The following BFSP1 variants were observed in gnomAD, a reference collection of about 807,000 sequenced individuals.
BFSP1 encodes beaded filament structural protein 1.
Under a neutral mutation model 43.9 loss-of-function variants are expected in BFSP1, and 38 were observed. The ratio of observed to expected loss-of-function variants is 0.87; its 90% CI spans 0.67 to 1.14. The LOEUF is 1.14. Ranked by LOEUF, BFSP1 falls within the 50% of genes most tolerant of loss-of-function variation. The pLI, the probability that BFSP1 is intolerant of heterozygous loss-of-function variation, is 0.00. For synonymous variants in BFSP1, 352 were observed against 354.8 expected, an observed-to-expected ratio of 0.99 and a Z score of 0.09; for missense variants, 850 against 875.1, an observed-to-expected ratio of 0.97 and a Z score of 0.36.
chr20:17,498,824 T>A lies in BFSP1; in HGVS notation c.952A>T (p.Asn318Tyr). Residue 318 changes from asparagine (N) to tyrosine (Y), a missense_variant, in exon 6 of 8, where the codon AAC becomes TAC. Coordinates refer to ENST00000377873, the MANE Select transcript of BFSP1 (RefSeq NM_001195.5). Reference sequence around the variant, plus strand: ...ATGGGGAGGGCACACGCTCACCTGTTGCCTTCAATCTCGATGATACGATGA... The same window carrying A: ...ATGGGGAGGGCACACGCTCACCTGTAGCCTTCAATCTCGATGATACGATGA... ...RYHRIIEIEG[N>Y]RLTSAFIETP... The A allele has an allele frequency of 6.2e-7, 1 of 1,612,482 alleles. No homozygotes were observed. The highest frequency in any genetic ancestry group is 8.5e-7 in the Non-Finnish European group (1 of 1,179,936).
intron 1 of BFSP1, among the ~76,000 whole-genome samples, chr20:17,541,700 C>T (rs1600675218): frequency 6.6e-6 from 1 of 152,318 alleles, no homozygotes; most frequent in East Asian, 1.9e-4. Flanking sequence ...ATGGCTGTGG[C>T]TTTTCAGATG....
Position 17,498,889 on chromosome 20 carries a change from G to A in BFSP1, c.887C>T (p.Ala296Val), listed in dbSNP as rs142996076. The change falls in exon 6 of 8, where the codon GCG becomes GTG. Residue 296 changes from alanine (A) to valine (V), a missense_variant. Physicochemically the swap from Ala to Val is moderately conservative, Grantham distance 64. Coordinates refer to ENST00000377873, the MANE Select transcript of BFSP1 (RefSeq NM_001195.5). Reference protein sequence around the residue: ...EKSSYDCRQLAVAQQTLKNEL... With the variant: ...EKSSYDCRQLVVAQQTLKNEL... Reference sequence around the variant, plus strand: ...ATTCTTCAGGGTTTGCTGGGCGACCGCCAGCTGCCGGCAGTCGTAAGAAGA... The same window carrying A: ...ATTCTTCAGGGTTTGCTGGGCGACCACCAGCTGCCGGCAGTCGTAAGAAGA... 3.1e-3 allele frequency: 4,960 copies of A among 1,614,064 alleles called. 5 individuals carry two copies. The highest frequency in any genetic ancestry group is 3.6e-3 in the Non-Finnish European group (4,294 of 1,180,026).
At position 17,524,850 on chromosome 20, in the gene BFSP1, T is replaced by A. The variant is rs1260066106; in HGVS notation, c.436A>T (p.Lys146Ter). 6.2e-7 allele frequency: 1 copy of A among 1,613,894 alleles called. No homozygotes were observed. The highest frequency in any genetic ancestry group is 8.5e-7 in the Non-Finnish European group (1 of 1,179,872). The stretch of plus-strand genomic sequence containing the variant: ...ACCCAAGGATGTGTTCCGCTCACCT[T>A]GTTAAGCCGTTCAAGCATTTCTTTT... ...LLKEMLERLN[K>*]EADEALLHNL... Residue 146 changes from lysine to a stop codon, truncating the protein, a stop_gained and splice_region_variant, in exon 2 of 8, where the codon AAG becomes TAG. Transcript: ENST00000377873. LOFTEE classifies it high-confidence loss of function.
At chr20:17,517,049 T>C (rs111331408) in intron 2 of BFSP1, 8,972 of 894,128 alleles carry the variant, frequency 0.01, 88 homozygotes, top group African/African-American at 0.027. Flanking sequence ...CTCTTCATCT[T>C]GTGTTGAGAC....
At position 17,514,729 on chromosome 20, in the gene BFSP1, G is replaced by A. The variant is rs140135049; in HGVS notation, c.526C>T (p.His176Tyr). 2.7e-4 allele frequency: 429 copies of A among 1,613,838 alleles called. No individual in the cohort carries two copies. Among genetic ancestry groups the A allele is most frequent in the Non-Finnish European group, 3.4e-4 (398 of 1,179,866 alleles). ...CAAGGGGTCATGATTACCTTCTTGT[G>A]CCTGTCCTTTGCCGCACTGATATCA... is the stretch of plus-strand genomic sequence containing the variant. ...QDDISAAKDRHKKNLLEVQTY... is the reference protein window; with the variant it reads ...QDDISAAKDRYKKNLLEVQTY... Residue 176 changes from histidine (H) to tyrosine (Y), a missense_variant, in exon 3 of 8, where the codon CAC becomes TAC. Transcript: ENST00000377873.
intron 1 of BFSP1, chr20:17,541,264 C>T: frequency 1.0e-6 from 1 of 982,476 alleles, no homozygotes; most frequent in Non-Finnish European, 1.2e-6. Flanking sequence ...AAAGTTTTTG[C>T]ATGTTGGGAG....
intron 2 of BFSP1, among the ~76,000 whole-genome samples, chr20:17,523,721 C>A (rs1460787259): frequency 3.3e-5 from 5 of 151,372 alleles, no homozygotes; most frequent in Non-Finnish European, 7.4e-5. Flanking sequence ...TTACAAACTG[C>A]ACCCTCTTTT....
rs759229724 is a variant in BFSP1 at position 17,494,595 on chromosome 20, C to CT, written c.1476dup (p.Gly493ArgfsTer15). The CT allele has an allele frequency of 2.5e-6, 4 of 1,614,102 alleles. No homozygotes were observed. Among genetic ancestry groups the CT allele is most frequent in the Non-Finnish European group, 3.4e-6 (4 of 1,180,058 alleles). ...TCCGCAACAGAAACAGCCACCCCAC[C>CT]TTTAGCTGTGATGGAGGAGACATAG... On this transcript the variant is annotated frameshift_variant, in exon 8 of 8. Coordinates refer to ENST00000377873, the MANE Select transcript of BFSP1 (RefSeq NM_001195.5). LOFTEE classifies it low-confidence loss of function (END_TRUNC).
At chr20:17,537,921 C>G (rs1261117468) in intron 1 of BFSP1, among the ~76,000 whole-genome samples, 2 of 152,066 alleles carry the variant, frequency 1.3e-5, no homozygotes, top group African/African-American at 4.8e-5. Context: ...AATCCAAGAC[C>G]AGCCTGGGCA....
intron 4 of BFSP1, among the ~76,000 whole-genome samples, chr20:17,509,273 C>T (rs181972577): frequency 9.3e-4 from 134 of 144,680 alleles, no homozygotes; most frequent in African/African-American, 3.1e-3. Context: ...CTGTCTGTCA[C>T]GTGAGACACA....
At chr20:17,534,022 A>T (rs535801160), upstream of BFSP1, among the ~76,000 whole-genome samples, 2 of 152,360 alleles carry the variant, frequency 1.3e-5, no homozygotes, top group South Asian at 4.1e-4. Context: ...CTTCAGGTGC[A>T]CTGGGAAATG....
intron 1 of BFSP1, among the ~76,000 whole-genome samples, chr20:17,566,471 T>C (rs933167978): frequency 2.8e-4 from 42 of 152,230 alleles, no homozygotes; most frequent in African/African-American, 9.6e-4. Context: ...CAGGCTGCTA[T>C]AGCAGAATAC....
chr20:17,561,453 C>T (rs566830315), upstream of BFSP1, among the ~76,000 whole-genome samples: 7 of 151,748 alleles, frequency 4.6e-5, no homozygotes, highest in South Asian at 8.4e-4. Flanking sequence ...GAGCCCAGAT[C>T]GCACCACTGC....
At chr20:17,532,454 CTTTTTT>C (rs1332311100), upstream of BFSP1, among the ~76,000 whole-genome samples, 1 of 148,510 alleles carries the variant, frequency 6.7e-6, no homozygotes, top group African/African-American at 2.5e-5. Flanking sequence ...TTTTCTTTTT[CTTTTTT>C]TAACATAAAA....
intron 1 of BFSP1, among the ~76,000 whole-genome samples, chr20:17,526,556 C>T (rs1458094429): frequency 1.3e-5 from 2 of 152,150 alleles, no homozygotes; most frequent in African/African-American, 2.4e-5. Context: ...ATTTTGTTTA[C>T]GTATTCCTTT....
chr20:17,508,774 C>T (rs2034002954), intron 5 of BFSP1, 115 bp downstream of exon 5: 1 of 1,032,038 alleles, frequency 9.7e-7, no homozygotes. Flanking sequence ...CTGCCAGGAA[C>T]ATAGGATATG....
At chr20:17,506,403 G>A (rs1025792693) in intron 5 of BFSP1, among the ~76,000 whole-genome samples, 1 of 152,168 alleles carries the variant, frequency 6.6e-6, no homozygotes, top group African/African-American at 2.4e-5. Context: ...ACAGAAAATG[G>A]ACACAGCCGT....
Position 17,531,061 on chromosome 20 carries a change from C to A in BFSP1, c.269G>T (p.Arg90Leu). The change falls in exon 1 of 8, where the codon CGC (arginine) becomes CTC (leucine). Residue 90 changes from arginine (R) to leucine (L), a missense_variant. Transcript: ENST00000377873. ...GCGCTGGCGGTTGCTCTCGACTTGG[C>A]GGGCGAGGGCGTCCTCGGGCCCGGC... ...ELAGPEDALA[R>L]QVESNRQRVR... 1 of 1,399,798 alleles carries A rather than the reference C, an allele frequency of 7.1e-7. No homozygotes were observed. Among genetic ancestry groups the A allele is most frequent in the South Asian group, 1.5e-5 (1 of 65,456 alleles). The allele number at this position is 1,399,798 out of a possible 1,614,324, so 86.7% of individuals were successfully genotyped here. A position where few individuals can be genotyped will look rare whatever the true frequency, so the allele number is the denominator to read the frequency against.
intron 7 of BFSP1, among the ~76,000 whole-genome samples, chr20:17,495,976 A>G (rs2033622237): frequency 6.6e-6 from 1 of 152,236 alleles, no homozygotes; most frequent in Non-Finnish European, 1.5e-5. Context: ...AGAGAGGGAC[A>G]GGGCACAGGA....
Sources: gnomAD v4.1 joint callset for allele counts (sites outside exome capture counted in the v4.1 genomes callset) on GRCh38, gnomAD v4.1.1 for gene constraint, MANE v1.5 for transcripts, NCBI Gene and HGNC (gene_info 2026-07-23, HGNC 2026-07-21) for gene names.